The following C5 variants were observed in gnomAD, a reference collection of about 807,000 sequenced individuals.
C5 encodes the protein C3 and PZP-like alpha-2-macroglobulin domain-containing protein 4.
In C5, 140 loss-of-function variants were observed where a neutral mutation model predicts 218.8. That is an observed-to-expected ratio of 0.64 (90% CI 0.56 to 0.74). C5 has a LOEUF of 0.74. Ranked by LOEUF, C5 falls within the 30% of genes least tolerant of loss-of-function variation. The probability of loss-of-function intolerance (pLI) is 0.00; values close to 1 mark genes in which losing one functional copy is unlikely to be tolerated. For synonymous variants in C5, 614 were observed against 682.3 expected, an observed-to-expected ratio of 0.90 and a Z score of 1.56; for missense variants, 1,700 against 1,969.6, an observed-to-expected ratio of 0.86 and a Z score of 2.59.
At chr9:121,041,833 G>A (rs1234530316) in intron 3 of C5, among the ~76,000 whole-genome samples, 1 of 152,176 alleles carries the variant, frequency 6.6e-6, no homozygotes, top group Non-Finnish European at 1.5e-5. Flanking sequence ...ATAAAAAGTT[G>A]TCTCTTGGAG....
intron 15 of C5, 34 bp downstream of exon 15, chr9:121,016,211 TGATCAATGG>T (rs1564152426): frequency 1.2e-6 from 2 of 1,612,402 alleles, no homozygotes; most frequent in South Asian, 1.1e-5. Flanking sequence ...GGGGGGCAAA[TGATCAATGG>T]GATTTTCAGT....
intron 37 of C5, 118 bp downstream of exon 37, chr9:120,961,364 T>C (rs1465832816): frequency 9.7e-6 from 7 of 722,566 alleles, no homozygotes; most frequent in African/African-American, 5.2e-5. Context: ...TTAGCTGAGA[T>C]AGCATTTCTA....
chr9:121,068,869 C>G, the C5 span, among the ~76,000 whole-genome samples: 1 of 152,156 alleles, frequency 6.6e-6, no homozygotes, highest in East Asian at 1.9e-4. Flanking sequence ...GTCAAGAACA[C>G]TCACTGGGGA....
In C5 at chr9:121,020,083, T is replaced by C. The variant is rs1037873600; in HGVS notation, c.1399A>G (p.Ile467Val). ...GCCTTATGGTTATCAGTCCAATCAATATAAAGGTAACTTTGGCTGAGAGAT... is the reference window on the plus strand; with the variant it reads ...GCCTTATGGTTATCAGTCCAATCAACATAAAGGTAACTTTGGCTGAGAGAT... ...YSSLSQSYLYIDWTDNHKALL... is the reference protein window; with the variant it reads ...YSSLSQSYLYVDWTDNHKALL... Residue 467 changes from isoleucine to valine, a missense_variant, in exon 12 of 41, where the codon ATT becomes GTT. Coordinates refer to ENST00000223642, the MANE Select transcript of C5 (RefSeq NM_001735.3). 3.7e-6 allele frequency: 6 copies of C among 1,613,390 alleles called. No individual in the cohort carries two copies. In the African/African-American group the frequency reaches 4.0e-5, roughly 11 times the overall value.
At chr9:121,069,528 C>CT in the C5 span, among the ~76,000 whole-genome samples, 20,775 of 143,186 alleles carry the variant, frequency 0.15, 1,491 homozygotes, top group Admixed American at 0.19. Flanking sequence ...AAAAGAAACT[C>CT]TTTTTTTTTT....
At chr9:121,059,086 G>T in the C5 span, among the ~76,000 whole-genome samples, 1 of 152,204 alleles carries the variant, frequency 6.6e-6, no homozygotes, top group Non-Finnish European at 1.5e-5. The surrounding 1 kb of genome is among the most constrained non-coding windows in gnomAD (Gnocchi z 4.1). Flanking sequence ...TGTATTTGAA[G>T]ATTGAATGGT....
Position 120,971,992 on chromosome 9 carries a change from C to G in C5, c.4018G>C (p.Val1340Leu). ...DKNFLGRPVE[V>L]LLNDDLIVST... ...ACAATGAGGTCATCATTGAGAAGCA[C>G]CTGGAAAGATAATAGAGAAACAAAC... The change falls in exon 31 of 41, where the codon GTG (valine) becomes CTG (leucine). Residue 1340 changes from valine (V) to leucine (L), a missense_variant and splice_region_variant. Coordinates refer to ENST00000223642, the MANE Select transcript of C5 (RefSeq NM_001735.3). 1 of 1,608,936 alleles carries G rather than the reference C, an allele frequency of 6.2e-7. No individual in the cohort carries two copies. The highest frequency in any genetic ancestry group is 1.1e-5 in the South Asian group (1 of 91,042).
chr9:121,017,644 T>C lies in C5; in HGVS notation c.1715A>G (p.Gln572Arg), dbSNP rs2047319463. Reference sequence around the variant, plus strand: ...TGTGACTTATAATTTGTGGCTTACCTGGAGCTGGTTGCCACATTTTTCTTC... The same window carrying C: ...TGTGACTTATAATTTGTGGCTTACCCGGAGCTGGTTGCCACATTTTTCTTC... ...NIEEKCGNQL[Q>R]VHLSPDADAY... Residue 572 changes from glutamine to arginine, a missense_variant and splice_region_variant, in exon 13 of 41, where the codon CAG (glutamine) becomes CGG (arginine). Gln to Arg is a conservative substitution (Grantham distance 43, BLOSUM62 1). Coordinates refer to ENST00000223642, the MANE Select transcript of C5 (RefSeq NM_001735.3). The C allele has an allele frequency of 6.2e-7, 1 of 1,612,314 alleles. No individual in the cohort carries two copies. Among genetic ancestry groups the C allele is most frequent in the East Asian group, 2.2e-5 (1 of 44,874 alleles).
the C5 span, among the ~76,000 whole-genome samples, chr9:121,068,573 C>G: frequency 6.6e-6 from 1 of 152,080 alleles, no homozygotes; most frequent in Non-Finnish European, 1.5e-5. Flanking sequence ...TCTACAGATT[C>G]AATGCAATCT....
At position 121,002,326 on chromosome 9, in the gene C5, A is replaced by ATATATATATG; in HGVS notation, c.2562+3592_2562+3593insCATATATATA. Among the ~76,000 whole-genome samples the ATATATATATG allele has an allele frequency of 3.8e-5, 3 of 78,944 alleles. No homozygotes were observed. In the South Asian group the frequency reaches 1.9e-3, roughly 51 times the overall value. The allele number at this position is 78,944 out of a possible 152,430, so 51.8% of individuals were successfully genotyped here. A position where few individuals can be genotyped will look rare whatever the true frequency, so the allele number is the denominator to read the frequency against. ...TATATATATGTGTGTGTATATATAT[A>ATATATATATG]TATATATATATATATACACACATAC... is the stretch of plus-strand genomic sequence containing the variant. On this transcript the variant is annotated intron_variant, in intron 20 of 40. Transcript: ENST00000223642.
intron 2 of C5, among the ~76,000 whole-genome samples, chr9:121,045,368 A>G (rs1187175728): frequency 6.6e-6 from 1 of 152,198 alleles, no homozygotes; most frequent in East Asian, 1.9e-4. Context: ...ACTTAAATAT[A>G]TACAAACTTA....
chr9:120,995,279 T>C (rs988360604), intron 22 of C5, among the ~76,000 whole-genome samples: 2 of 152,216 alleles, frequency 1.3e-5, no homozygotes, highest in South Asian at 2.1e-4. Flanking sequence ...TGTTATATCA[T>C]TGAAATAAAA....
intron 17 of C5, among the ~76,000 whole-genome samples, chr9:121,011,073 A>C (rs900911615): frequency 6.6e-6 from 1 of 152,242 alleles, no homozygotes; most frequent in Non-Finnish European, 1.5e-5. Flanking sequence ...TGGTCTGGGC[A>C]AAAGTTTCTT....
chr9:121,021,889 T>C (rs2047369183), intron 10 of C5, among the ~76,000 whole-genome samples, 195 bp from the exon 11 acceptor site: 2 of 151,888 alleles, frequency 1.3e-5, no homozygotes, highest in Admixed American at 1.3e-4. Flanking sequence ...GGCACAATCA[T>C]AGCGCACTGC....
Position 121,006,895 on chromosome 9 carries a change from C to A in C5, c.2422+9G>T. On this transcript the variant is annotated intron_variant, in intron 19 of 40. Coordinates refer to ENST00000223642, the MANE Select transcript of C5 (RefSeq NM_001735.3). ...TATTTAAATGCATATATCACTTAAA[C>A]CTGCTTACCAGTGTTTGAAATGCCA... is the stretch of plus-strand genomic sequence containing the variant. 1 of 1,575,968 alleles carries A rather than the reference C, an allele frequency of 6.3e-7. No individual in the cohort carries two copies. The highest frequency in any genetic ancestry group is 1.1e-5 in the South Asian group (1 of 90,004).
chr9:120,957,283 A>C lies in C5; in HGVS notation c.4762+2T>G. On this transcript the variant is annotated splice_donor_variant, in intron 39 of 40. Coordinates refer to ENST00000223642, the MANE Select transcript of C5 (RefSeq NM_001735.3). LOFTEE classifies it high-confidence loss of function. Reference sequence around the variant, plus strand: ...GGAACGAATGAACGAATGAATTCTCACCAGTTTTGTAGATATCCAGAAGGG... The same window carrying C: ...GGAACGAATGAACGAATGAATTCTCCCCAGTTTTGTAGATATCCAGAAGGG... 1 of 1,596,874 alleles carries C rather than the reference A, an allele frequency of 6.3e-7. No individual in the cohort carries two copies. The highest frequency in any genetic ancestry group is 8.6e-7 in the Non-Finnish European group (1 of 1,164,702).
In C5 at chr9:121,050,272, A is replaced by T; in HGVS notation, c.-26T>A. Reference sequence around the variant, plus strand: ...GGTTGGAGGTAGCAGGAAACCACGGATATAACACTTTTGAGGATAGTCTCC... The same window carrying T: ...GGTTGGAGGTAGCAGGAAACCACGGTTATAACACTTTTGAGGATAGTCTCC... On this transcript the variant is annotated 5_prime_UTR_variant, in exon 1 of 41. Coordinates refer to ENST00000223642, the MANE Select transcript of C5 (RefSeq NM_001735.3). The T allele has an allele frequency of 6.4e-7, 1 of 1,571,370 alleles. No individual in the cohort carries two copies.
chr9:120,963,371 G>A (rs2046841890), intron 34 of C5, among the ~76,000 whole-genome samples: 1 of 152,038 alleles, frequency 6.6e-6, no homozygotes, highest in South Asian at 2.1e-4. Flanking sequence ...GCCAGGTGTG[G>A]TGGTGCATGC....
chr9:121,013,973 A>T lies in C5; in HGVS notation c.2157T>A (p.Ser719Arg). Residue 719 changes from serine to arginine, a missense_variant, in exon 17 of 41, where the codon AGT becomes AGA. Ser to Arg is a moderately radical substitution (Grantham distance 110). Transcript: ENST00000223642. ...AAGCTTTGATGCATCTTGGCCCTAA[A>T]CTAATCCGTGCAGCTCGCTGCTCAC... is the stretch of plus-strand genomic sequence containing the variant. ...ETCEQRAARI[S>R]LGPRCIKAFT... 4 of 1,614,144 alleles carry T rather than the reference A, an allele frequency of 2.5e-6. No individual in the cohort carries two copies. Among genetic ancestry groups the T allele is most frequent in the Non-Finnish European group, 3.4e-6 (4 of 1,180,026 alleles).
Sources: gnomAD v4.1 joint callset for allele counts (sites outside exome capture counted in the v4.1 genomes callset) on GRCh38, gnomAD v4.1.1 for gene constraint, Gnocchi (gnomAD v3.1) non-coding constraint, MANE v1.5 for transcripts, NCBI Gene and HGNC (gene_info 2026-07-23, HGNC 2026-07-21) for gene names.